RPTOR: variants seen among roughly 807,000 people sequenced by gnomAD.
RPTOR encodes the protein regulatory associated protein of MTOR complex 1, also known as regulatory-associated protein of mTOR.
In RPTOR, 21 loss-of-function variants were observed where a neutral mutation model predicts 169.9. That is an observed-to-expected ratio of 0.12 (90% CI 0.09 to 0.18). The LOEUF (loss-of-function observed/expected upper bound fraction) is 0.18. RPTOR is among the 10% of genes least tolerant of loss of function. The pLI, the probability that RPTOR is intolerant of heterozygous loss-of-function variation, is 1.00. For synonymous variants in RPTOR, 732 were observed against 753.2 expected, an observed-to-expected ratio of 0.97 and a Z score of 0.46; for missense variants, 1,133 against 1,855.9, an observed-to-expected ratio of 0.61 and a Z score of 7.16.
intron 3 of RPTOR, among the ~76,000 whole-genome samples, chr17:80,697,548 G>A (rs2143033518): frequency 6.6e-6 from 1 of 152,384 alleles, no homozygotes; most frequent in East Asian, 1.9e-4. Flanking sequence ...AAGGGAGGAG[G>A]AGGGCGGCGT....
chr17:80,629,853 C>G (rs1455465882), intron 2 of RPTOR, among the ~76,000 whole-genome samples: 1 of 152,134 alleles, frequency 6.6e-6, no homozygotes, highest in Non-Finnish European at 1.5e-5. Context: ...TGTACCACAG[C>G]TCTTCCGTGT....
chr17:80,733,283 G>A (rs1475375651), intron 5 of RPTOR, among the ~76,000 whole-genome samples: 2 of 152,092 alleles, frequency 1.3e-5, no homozygotes, highest in Non-Finnish European at 2.9e-5. Flanking sequence ...TATTTTTATT[G>A]TGTCATATTT....
chr17:80,621,108 C>T (rs1018364919), intron 1 of RPTOR, among the ~76,000 whole-genome samples: 6 of 152,326 alleles, frequency 3.9e-5, no homozygotes, highest in African/African-American at 1.4e-4. Flanking sequence ...AGCTGAGGGC[C>T]ATGCCTTCCT....
chr17:80,713,724 T>C (rs1361627628), intron 4 of RPTOR, among the ~76,000 whole-genome samples: 2 of 152,166 alleles, frequency 1.3e-5, no homozygotes, highest in Admixed American at 1.3e-4. Context: ...AAGAGGGCCA[T>C]TTCCTCATGA....
At chr17:80,870,946 T>G (rs948715264) in intron 13 of RPTOR, among the ~76,000 whole-genome samples, 4 of 152,166 alleles carry the variant, frequency 2.6e-5, no homozygotes, top group African/African-American at 7.2e-5. Context: ...CTAATGTCCT[T>G]TTTCTGTCCC....
chr17:80,568,340 T>G (rs1181000305), intron 1 of RPTOR, among the ~76,000 whole-genome samples: 3 of 152,204 alleles, frequency 2.0e-5, no homozygotes, highest in Non-Finnish European at 4.4e-5. Flanking sequence ...TCTCAGCTTT[T>G]GTTTGTCTGA....
intron 13 of RPTOR, among the ~76,000 whole-genome samples, chr17:80,864,196 A>G (rs72490481): frequency 0.24 from 35,749 of 151,640 alleles, 4,448 homozygotes; most frequent in South Asian, 0.31. Flanking sequence ...ATCGCAATCA[A>G]ATTACTTGAA....
chr17:80,810,139 G>A (rs1399286129), intron 7 of RPTOR, among the ~76,000 whole-genome samples: 1 of 151,870 alleles, frequency 6.6e-6, no homozygotes, highest in African/African-American at 2.4e-5. Context: ...GATGAAGTCC[G>A]ATTTCATCAT....
intron 3 of RPTOR, among the ~76,000 whole-genome samples, chr17:80,689,671 A>G (rs2065974804): frequency 6.6e-6 from 1 of 152,250 alleles, no homozygotes; most frequent in Non-Finnish European, 1.5e-5. Flanking sequence ...CCATCATTAT[A>G]CTTTTTGTCT....
chr17:80,914,394 C>T (rs561415220), intron 21 of RPTOR, among the ~76,000 whole-genome samples: 27 of 152,262 alleles, frequency 1.8e-4, no homozygotes, highest in Admixed American at 1.0e-3. Flanking sequence ...GCCACCCAGC[C>T]GTGGCTCCAG....
intron 1 of RPTOR, among the ~76,000 whole-genome samples, chr17:80,554,888 T>C (rs1281812770): frequency 6.6e-6 from 1 of 152,168 alleles, no homozygotes; most frequent in Non-Finnish European, 1.5e-5. Flanking sequence ...TAACTGACAA[T>C]TTTTGAAAAT....
In RPTOR at chr17:80,743,709, ACT is replaced by A. The variant is rs1567887051; in HGVS notation, c.655-10300_655-10299del. 3.2e-4 allele frequency among the ~76,000 whole-genome samples: 35 copies of A among 108,618 alleles called. 2 individuals are homozygous for A. The East Asian group carries it at 4.5e-3, about 14-fold the overall frequency. 71.3% of individuals were successfully genotyped at this position (108,618 alleles called of 152,430 possible). A position where few individuals can be genotyped will look rare whatever the true frequency, so the allele number is the denominator to read the frequency against. ...TACTAGCACAGCCCTGGCTACTAGC[ACT>A]GTCCTGGCTACGAGCACAGCCCTGG... On this transcript the variant is annotated intron_variant, in intron 5 of 33. Coordinates refer to ENST00000306801, the MANE Select transcript of RPTOR (RefSeq NM_020761.3).
chr17:80,698,336 G>A (rs2143037649), intron 3 of RPTOR, among the ~76,000 whole-genome samples: 1 of 151,722 alleles, frequency 6.6e-6, no homozygotes, highest in Non-Finnish European at 1.5e-5. Flanking sequence ...TCCTGTGGGA[G>A]CCATCTAGGT....
chr17:80,894,038 G>A (rs1215421187), intron 20 of RPTOR, among the ~76,000 whole-genome samples, 173 bp downstream of exon 20: 1 of 152,236 alleles, frequency 6.6e-6, no homozygotes, highest in African/African-American at 2.4e-5. Flanking sequence ...GCTGGGGCAA[G>A]CGGGAAAGTT....
intron 20 of RPTOR, among the ~76,000 whole-genome samples, chr17:80,907,522 G>A (rs569820158): frequency 6.6e-6 from 1 of 152,338 alleles, no homozygotes; most frequent in Admixed American, 6.5e-5. Flanking sequence ...TTCCCTTCTC[G>A]GCCTCTCTGG....
intron 30 of RPTOR, among the ~76,000 whole-genome samples, chr17:80,961,169 C>T (rs2069334251): frequency 6.6e-6 from 1 of 152,230 alleles, no homozygotes; most frequent in African/African-American, 2.4e-5. Context: ...ACCTAGGGCC[C>T]AGCCCTGAGC....
rs1398639807 is a variant in RPTOR, at chr17:80,936,528, T to C, written c.2920-3968T>C. Among the ~76,000 whole-genome samples the C allele has an allele frequency of 6.6e-6, 1 of 152,190 alleles. No individual in the cohort carries two copies. The highest frequency in any genetic ancestry group is 1.5e-5 in the Non-Finnish European group (1 of 68,046). ...TCATCAGAACAATATTTAAATAAACTATTGATAAACGCAGTGGCACAGATG... is the reference window on the plus strand; with the variant it reads ...TCATCAGAACAATATTTAAATAAACCATTGATAAACGCAGTGGCACAGATG... On this transcript the variant is annotated intron_variant, in intron 24 of 33. Transcript: ENST00000306801. The surrounding 1 kb of genome is among the most constrained non-coding windows in gnomAD (Gnocchi z 4.1).
At chr17:80,769,858 A>T (rs1407024993) in intron 6 of RPTOR, among the ~76,000 whole-genome samples, 1 of 152,156 alleles carries the variant, frequency 6.6e-6, no homozygotes, top group East Asian at 1.9e-4. Context: ...GTCCGTGACC[A>T]TGAAGCTCGA....
rs535533118 is a variant in RPTOR, at chr17:80,646,840, C to T, written c.348+3030C>T. Among the ~76,000 whole-genome samples, 3 of 152,184 alleles carry T rather than the reference C, an allele frequency of 2.0e-5. No individual in the cohort carries two copies. Among genetic ancestry groups the T allele is most frequent in the East Asian group, 1.9e-4 (1 of 5,188 alleles). On this transcript the variant is annotated intron_variant, in intron 3 of 33. Transcript: ENST00000306801. This position sits in a 1 kb window ranked among gnomAD's most constrained non-coding sequence, Gnocchi z 5.0. ...TGAGATTATTTTCATTAAAGTTTGTCGGAGTCGTTGCCTCCACGCTGGCAT... is the reference window on the plus strand; with the variant it reads ...TGAGATTATTTTCATTAAAGTTTGTTGGAGTCGTTGCCTCCACGCTGGCAT...
Sources: gnomAD v4.1 joint callset for allele counts (sites outside exome capture counted in the v4.1 genomes callset) on GRCh38, gnomAD v4.1.1 for gene constraint, Gnocchi (gnomAD v3.1) non-coding constraint, MANE v1.5 for transcripts, NCBI Gene and HGNC (gene_info 2026-07-23, HGNC 2026-07-21) for gene names.